The following LGR5 variants were observed in gnomAD, a reference collection of about 807,000 sequenced individuals.
LGR5 encodes the protein leucine-rich repeat-containing G protein-coupled receptor 5.
LGR5 carries 54 observed loss-of-function variants against 76.7 expected under a neutral mutation model. The observed-to-expected ratio is 0.70, with a 90% CI of 0.57 to 0.88. The LOEUF (loss-of-function observed/expected upper bound fraction) is 0.88, where lower values mean the gene tolerates loss of function less well. Among genes scored for constraint, LGR5 ranks in the 40% least tolerant of loss-of-function variants. The pLI is 0.00. For synonymous variants in LGR5, 406 were observed against 421.9 expected, an observed-to-expected ratio of 0.96 and a Z score of 0.46; for missense variants, 1,078 against 1,073.3, an observed-to-expected ratio of 1.00 and a Z score of -0.06.
chr12:71,482,641 A>G (rs142707862), intron 1 of LGR5, among the ~76,000 whole-genome samples: 188 of 152,284 alleles, frequency 1.2e-3, no homozygotes, highest in African/African-American at 4.5e-3. Flanking sequence ...TATTGTCACA[A>G]CTGGAAGGAG....
chr12:71,577,577 A>G (rs911221442), intron 13 of LGR5, among the ~76,000 whole-genome samples: 1 of 152,242 alleles, frequency 6.6e-6, no homozygotes, highest in Non-Finnish European at 1.5e-5. Context: ...TGTCAGAAGA[A>G]GAGACTCAGA....
chr12:71,512,946 C>T (rs1048853065), intron 2 of LGR5, among the ~76,000 whole-genome samples: 3 of 152,098 alleles, frequency 2.0e-5, no homozygotes, highest in African/African-American at 4.8e-5. Context: ...GGATGAGAAC[C>T]CTGAGAGAGA....
chr12:71,468,679 G>A (rs1323159968), intron 1 of LGR5, among the ~76,000 whole-genome samples: 2 of 141,680 alleles, frequency 1.4e-5, no homozygotes, highest in East Asian at 2.2e-4. Flanking sequence ...CACTACAGAA[G>A]ACAACTTTGA....
intron 1 of LGR5, among the ~76,000 whole-genome samples, chr12:71,503,444 A>G (rs1295861988): frequency 2.6e-5 from 4 of 152,198 alleles, no homozygotes; most frequent in Non-Finnish European, 5.9e-5. Flanking sequence ...ACTCTGAAAC[A>G]ATTAATAAAA....
chr12:71,505,895 T>TC (rs1322418267), intron 2 of LGR5, among the ~76,000 whole-genome samples: 1 of 152,208 alleles, frequency 6.6e-6, no homozygotes, highest in African/African-American at 2.4e-5. Flanking sequence ...GCCTTTTTTT[T>TC]CCATCTTCTC....
At chr12:71,475,646 T>TC (rs1034333851) in intron 1 of LGR5, among the ~76,000 whole-genome samples, 4 of 152,004 alleles carry the variant, frequency 2.6e-5, no homozygotes, top group African/African-American at 7.2e-5. Flanking sequence ...CTCTCACTCA[T>TC]CCCCCCCTTA....
At chr12:71,553,035 T>C (rs1207972209) in intron 4 of LGR5, 38 bp from the exon 5 acceptor site, 1 of 1,590,776 alleles carries the variant, frequency 6.3e-7, no homozygotes, top group Non-Finnish European at 8.6e-7. Context: ...TGCTTGGGCT[T>C]TGCTCTCTTT....
chr12:71,558,352 A>G (rs1390929902), intron 6 of LGR5, among the ~76,000 whole-genome samples: 1 of 152,178 alleles, frequency 6.6e-6, no homozygotes, highest in Non-Finnish European at 1.5e-5. Context: ...GCATGTAAAT[A>G]ACATAGAGCA....
intron 1 of LGR5, among the ~76,000 whole-genome samples, chr12:71,481,566 T>A (rs1873604144): frequency 6.6e-6 from 1 of 152,184 alleles, no homozygotes; most frequent in African/African-American, 2.4e-5. Context: ...TATGTGTGCG[T>A]GTGTCTTTAT....
Position 71,583,869 on chromosome 12 carries a change from C to T in LGR5, c.1859C>T (p.Thr620Ile), listed in dbSNP as rs749023203. 2 of 1,614,160 alleles carry T rather than the reference C, an allele frequency of 1.2e-6. No individual in the cohort carries two copies. The highest frequency in any genetic ancestry group is 1.7e-6 in the Non-Finnish European group (2 of 1,180,032). The change falls in exon 18 of 18, where the codon ACT (threonine) becomes ATT (isoleucine). Residue 620 changes from threonine to isoleucine, a missense_variant. Transcript: ENST00000266674. Reference protein sequence around the residue: ...SAVLAGVDAFTFGSFARHGAW... With the variant: ...SAVLAGVDAFIFGSFARHGAW... ...GTGCTGGCTGGTGTGGATGCGTTCA[C>T]TTTTGGCAGCTTTGCACGACATGGT...
chr12:71,551,859 A>T (rs1412359405), intron 4 of LGR5, among the ~76,000 whole-genome samples: 1 of 152,240 alleles, frequency 6.6e-6, no homozygotes, highest in African/African-American at 2.4e-5. Context: ...TAATTTTATT[A>T]TTCATTTAAA....
chr12:71,578,022 G>A, intron 14 of LGR5, 26 bp downstream of exon 14: 1 of 1,534,494 alleles, frequency 6.5e-7, no homozygotes, highest in South Asian at 1.1e-5. Flanking sequence ...CTTGTTTATG[G>A]TATGTCTCTT....
intron 5 of LGR5, among the ~76,000 whole-genome samples, chr12:71,555,237 A>G (rs959146474): frequency 5.9e-5 from 9 of 152,196 alleles, no homozygotes; most frequent in Non-Finnish European, 8.8e-5. Flanking sequence ...TGAATTTCAC[A>G]TATAAAGATG....
In LGR5 at chr12:71,514,860, G is replaced by A. The variant is rs7976394; in HGVS notation, c.285-9546G>A. On this transcript the variant is annotated intron_variant, in intron 2 of 17. Coordinates refer to ENST00000266674, the MANE Select transcript of LGR5 (RefSeq NM_003667.4). Reference sequence around the variant, plus strand: ...GAGGCATTGGCTAGAACAATGGAAGGGGGTAGATACAGTTTTTGAAAATTG... The same window carrying A: ...GAGGCATTGGCTAGAACAATGGAAGAGGGTAGATACAGTTTTTGAAAATTG... 7.4e-3 allele frequency among the ~76,000 whole-genome samples: 1,132 copies of A among 152,314 alleles called. 12 individuals carry two copies. Among genetic ancestry groups the A allele is most frequent in the African/African-American group, 0.025 (1,054 of 41,558 alleles).
intron 3 of LGR5, among the ~76,000 whole-genome samples, chr12:71,528,438 G>A (rs1454539865): frequency 6.6e-6 from 1 of 151,874 alleles, no homozygotes; most frequent in Non-Finnish European, 1.5e-5. Context: ...CTGTAGCCTG[G>A]GCAACAGAGC....
At chr12:71,536,068 T>G (rs553769253) in intron 4 of LGR5, among the ~76,000 whole-genome samples, 1 of 152,184 alleles carries the variant, frequency 6.6e-6, no homozygotes, top group African/African-American at 2.4e-5. Context: ...ATGTCCAATA[T>G]ATCACACGTG....
intron 4 of LGR5, among the ~76,000 whole-genome samples, chr12:71,548,767 T>G (rs1349407664): frequency 1.3e-5 from 2 of 151,930 alleles, no homozygotes; most frequent in Non-Finnish European, 2.9e-5. Context: ...TGGAACCTGG[T>G]ACTTCCCATT....
chr12:71,544,722 A>G (rs958548348), intron 4 of LGR5, among the ~76,000 whole-genome samples: 6 of 152,236 alleles, frequency 3.9e-5, no homozygotes, highest in Non-Finnish European at 4.4e-5. Context: ...TAAAATTTCA[A>G]TGCAGTAAAA....
At chr12:71,493,221 T>C (rs548927457) in intron 1 of LGR5, among the ~76,000 whole-genome samples, 2 of 151,336 alleles carry the variant, frequency 1.3e-5, no homozygotes, top group Non-Finnish European at 2.9e-5. Flanking sequence ...TTCTGGCATC[T>C]TTTTTACCAT....
Sources: allele counts gnomAD v4.1 joint callset (sites outside exome capture counted in the v4.1 genomes callset), GRCh38; gene constraint gnomAD v4.1.1; transcripts MANE v1.5; gene names NCBI Gene and HGNC (gene_info 2026-07-23, HGNC 2026-07-21).